Variants in MIS18BP1 observed in about 807,000 individuals in gnomAD.
MIS18BP1 encodes the protein MIS18 binding protein 1.
MIS18BP1 carries 72 observed loss-of-function variants against 116.1 expected under a neutral mutation model. That is an observed-to-expected ratio of 0.62 (90% CI 0.51 to 0.75). The LOEUF is 0.75. Among genes scored for constraint, MIS18BP1 ranks in the 30% least tolerant of loss-of-function variants. MIS18BP1 has a pLI of 0.00. For missense variants in MIS18BP1, 1,363 were observed against 1,303.2 expected, an observed-to-expected ratio of 1.05 and a Z score of -0.71; for synonymous variants, 386 against 427.0, an observed-to-expected ratio of 0.90 and a Z score of 1.18.
Position 45,224,577 on chromosome 14 carries a change from C to T in MIS18BP1, c.2010G>A (p.Leu670=), listed in dbSNP as rs755709164. 13 of 1,612,902 alleles carry T rather than the reference C, an allele frequency of 8.1e-6. No homozygotes were observed. Among genetic ancestry groups the T allele is most frequent in the Non-Finnish European group, 1.1e-5 (13 of 1,179,708 alleles). Residue 670 remains leucine, a synonymous_variant, in exon 11 of 17, where the codon CTG becomes CTA. Coordinates refer to ENST00000310806, the MANE Select transcript of MIS18BP1 (RefSeq NM_018353.5). The stretch of plus-strand genomic sequence containing the variant: ...TTACTGCTTTGATGGTGCCAGCGGA[C>T]AGATTATACCTCATGCATCTTTGCT... ...VIEQRCMRYN[L]SAGTIKAVTD...
intron 11 of MIS18BP1, among the ~76,000 whole-genome samples, chr14:45,220,559 T>C (rs1890945328): frequency 6.6e-6 from 1 of 152,182 alleles, no homozygotes; most frequent in Non-Finnish European, 1.5e-5. Context: ...GTAGCACACT[T>C]TTCCAGAATG....
At chr14:45,218,122 A>C (rs1442392132) in intron 12 of MIS18BP1, among the ~76,000 whole-genome samples, 160 bp downstream of exon 12, 2 of 152,230 alleles carry the variant, frequency 1.3e-5, no homozygotes, top group African/African-American at 4.8e-5. Context: ...CCCAGGTAAG[A>C]CTTAAAAATT....
chr14:45,224,471 G>A lies in MIS18BP1; in HGVS notation c.2116C>T (p.His706Tyr), dbSNP rs1265106089. 13 of 1,613,608 alleles carry A rather than the reference G, an allele frequency of 8.1e-6. No homozygotes were observed. The South Asian group carries it at 1.2e-4, about 15-fold the overall frequency. Residue 706 changes from histidine (H) to tyrosine (Y), a missense_variant, in exon 11 of 17, where the codon CAT (histidine) becomes TAT (tyrosine). By Grantham distance (83) the His-to-Tyr change is moderately conservative. Transcript: ENST00000310806. ...MGTLENTFEG[H>Y]KSKNKEDCDE... ...CAATCTTCCTTGTTTTTACTTTTAT[G>A]ACCTTCAAATGTATTTTCTAAAGTC...
In MIS18BP1 at chr14:45,205,462, G is replaced by A. The variant is rs577621691; in HGVS notation, c.3240+621C>T. 5.3e-5 allele frequency among the ~76,000 whole-genome samples: 8 copies of A among 152,160 alleles called. No homozygotes were observed. The East Asian group carries it at 1.4e-3, about 26-fold the overall frequency. ...TCCTAGTACTTATATATGATAATCA[G>A]TTATTGCAATTAAAATCAGAAAATT... is the stretch of plus-strand genomic sequence containing the variant. On this transcript the variant is annotated intron_variant, in intron 15 of 16. Coordinates refer to ENST00000310806, the MANE Select transcript of MIS18BP1 (RefSeq NM_018353.5).
At chr14:45,230,149 T>C (rs1891235806) in intron 8 of MIS18BP1, among the ~76,000 whole-genome samples, 1 of 152,192 alleles carries the variant, frequency 6.6e-6, no homozygotes, top group Admixed American at 6.5e-5. Context: ...GTAAAGCTCT[T>C]AGTTACAAGT....
At chr14:45,206,917 T>A (rs1462229022) in intron 14 of MIS18BP1, among the ~76,000 whole-genome samples, 1 of 152,192 alleles carries the variant, frequency 6.6e-6, no homozygotes, top group Non-Finnish European at 1.5e-5. Flanking sequence ...TGCCTGGTGA[T>A]TGAAAACTGT....
chr14:45,204,077 A>G lies in MIS18BP1; in HGVS notation c.*32T>C, dbSNP rs779285265. On this transcript the variant is annotated 3_prime_UTR_variant, in exon 17 of 17. Transcript: ENST00000310806. ...ATACAAACACTGTCTGCTTTATGGTAAAAATCCCAGGAATCATATTTTCTC... is the reference window on the plus strand; with the variant it reads ...ATACAAACACTGTCTGCTTTATGGTGAAAATCCCAGGAATCATATTTTCTC... 1.9e-6 allele frequency: 3 copies of G among 1,600,654 alleles called. No homozygotes were observed. The South Asian group carries it at 3.4e-5, about 18-fold the overall frequency.
intron 13 of MIS18BP1, among the ~76,000 whole-genome samples, chr14:45,216,127 G>A (rs888593110): frequency 6.6e-6 from 1 of 152,116 alleles, no homozygotes; most frequent in Non-Finnish European, 1.5e-5. Flanking sequence ...TATACAGATT[G>A]TTTCCAGTTT....
In MIS18BP1 at chr14:45,223,922, G is replaced by A. The variant is rs1471201668; in HGVS notation, c.2665C>T (p.His889Tyr). 1 of 1,566,566 alleles carries A rather than the reference G, an allele frequency of 6.4e-7. No homozygotes were observed. The highest frequency in any genetic ancestry group is 2.0e-5 in the Admixed American group (1 of 49,490). Residue 889 changes from histidine to tyrosine, a missense_variant, in exon 11 of 17, where the codon CAT becomes TAT. By Grantham distance (83) the His-to-Tyr change is moderately conservative. Transcript: ENST00000310806. ...EWNEKELQKL[H>Y]CAFASLPKHK... ...GAATGAAATCTAACTACTTACCAAT[G>A]AAGTTTCTGTAACTCCTTCTCATTC...
chr14:45,218,097 T>A (rs899112591), intron 12 of MIS18BP1, among the ~76,000 whole-genome samples, 185 bp downstream of exon 12: 7 of 152,172 alleles, frequency 4.6e-5, no homozygotes, highest in African/African-American at 1.4e-4. Context: ...AAACTACTAC[T>A]GATGGAAGCA....
intron 10 of MIS18BP1, among the ~76,000 whole-genome samples, chr14:45,225,602 T>C (rs1036431598): frequency 6.6e-6 from 1 of 152,106 alleles, no homozygotes; most frequent in African/African-American, 2.4e-5. Flanking sequence ...ATGGTGGTCA[T>C]AGAAACACAC....
chr14:45,224,897 G>T, intron 10 of MIS18BP1, 151 bp from the exon 11 acceptor site: 1 of 628,424 alleles, frequency 1.6e-6, no homozygotes, highest in Non-Finnish European at 2.7e-6. Flanking sequence ...TCTTTCTGAA[G>T]CCCAGGTCTA....
intron 2 of MIS18BP1, among the ~76,000 whole-genome samples, chr14:45,243,298 C>T (rs749005300): frequency 6.6e-6 from 1 of 152,016 alleles, no homozygotes; most frequent in Non-Finnish European, 1.5e-5. Context: ...GAAAGATAGT[C>T]GAAGAATTGT....
chr14:45,246,841 G>C lies in MIS18BP1; in HGVS notation c.446C>G (p.Thr149Ser). 1 of 1,610,964 alleles carries C rather than the reference G, an allele frequency of 6.2e-7. No individual in the cohort carries two copies. The change falls in exon 2 of 17, where the codon ACT (threonine) becomes AGT (serine). Residue 149 changes from threonine (T) to serine (S), a missense_variant. Coordinates refer to ENST00000310806, the MANE Select transcript of MIS18BP1 (RefSeq NM_018353.5). Reference sequence around the variant, plus strand: ...TTTTTTTTTTTCAACTCTGTTAGGAGTGAAGGTTTCATTATTTCCACTTTT... The same window carrying C: ...TTTTTTTTTTTCAACTCTGTTAGGACTGAAGGTTTCATTATTTCCACTTTT... ...PQKSGNNETF[T>S]PNRVEKKKLQ...
At position 45,237,670 on chromosome 14, in the gene MIS18BP1, T is replaced by G; in HGVS notation, c.1195A>C (p.Ile399Leu). 3 of 1,601,522 alleles carry G rather than the reference T, an allele frequency of 1.9e-6. No homozygotes were observed. The Admixed American group carries it at 5.3e-5, about 28-fold the overall frequency. ...MIKSINNNTA[I>L]CVEGKLIDVT... ...TACATCAATTTTCCTTCTACACATA[T>G]AGCAGTATTATTATTGATGCTTTTA... The change falls in exon 5 of 17, where the codon ATA (isoleucine) becomes CTA (leucine). Residue 399 changes from isoleucine (I) to leucine (L), a missense_variant. Coordinates refer to ENST00000310806, the MANE Select transcript of MIS18BP1 (RefSeq NM_018353.5).
intron 14 of MIS18BP1, 41 bp from the exon 15 acceptor site, chr14:45,206,211 A>G (rs1890513778): frequency 1.5e-6 from 2 of 1,336,906 alleles, no homozygotes; most frequent in East Asian, 2.4e-5. Context: ...CAATATTTTT[A>G]AGTCAACCTA....
intron 14 of MIS18BP1, among the ~76,000 whole-genome samples, chr14:45,207,923 A>G (rs973922249): frequency 2.6e-5 from 4 of 152,198 alleles, no homozygotes; most frequent in African/African-American, 9.7e-5. Flanking sequence ...TTTAATTGTA[A>G]AAGTGACATA....
intron 5 of MIS18BP1, among the ~76,000 whole-genome samples, chr14:45,236,335 C>A (rs1374767496): frequency 6.6e-6 from 1 of 152,144 alleles, no homozygotes; most frequent in Non-Finnish European, 1.5e-5. Flanking sequence ...TAGATTGGAT[C>A]CAGCTAATCT....
rs780039976 is a variant in MIS18BP1, at chr14:45,210,395, A to C, written c.3137T>G (p.Leu1046Arg). The C allele has an allele frequency of 1.8e-5, 29 of 1,613,720 alleles. No individual in the cohort carries two copies. The highest frequency in any genetic ancestry group is 2.7e-5 in the African/African-American group (2 of 74,908). Residue 1046 changes from leucine to arginine, a missense_variant, in exon 14 of 17, where the codon CTA becomes CGA. Coordinates refer to ENST00000310806, the MANE Select transcript of MIS18BP1 (RefSeq NM_018353.5). ...GAATATTTACCTATTTATAGAACCT[A>C]GCATGCCAGGACTGACATGCTGACA... is the stretch of plus-strand genomic sequence containing the variant. ...PQCQHVSPGM[L>R]GSINRNDCDK...
Sources: gnomAD v4.1 joint callset for allele counts (sites outside exome capture counted in the v4.1 genomes callset) on GRCh38, gnomAD v4.1.1 for gene constraint, MANE v1.5 for transcripts, NCBI Gene and HGNC (gene_info 2026-07-23, HGNC 2026-07-21) for gene names.